The following ODAD2 variants were observed in gnomAD, a reference collection of about 807,000 sequenced individuals.
ODAD2 encodes outer dynein arm-docking complex subunit 2.
A neutral mutation model predicts 106.8 loss-of-function variants in ODAD2; 89 were observed. The ratio of observed to expected loss-of-function variants is 0.83; its 90% CI spans 0.70 to 0.99. ODAD2 has a LOEUF of 0.99. Ranked by LOEUF, ODAD2 falls within the 50% of genes least tolerant of loss-of-function variation. ODAD2 has a pLI of 0.00. For missense variants in ODAD2, 1,168 were observed against 1,238.5 expected, an observed-to-expected ratio of 0.94 and a Z score of 0.85; for synonymous variants, 404 against 436.2, an observed-to-expected ratio of 0.93 and a Z score of 0.92.
At chr10:27,861,621 G>A (rs1840048873) in intron 18 of ODAD2, among the ~76,000 whole-genome samples, 1 of 152,228 alleles carries the variant, frequency 6.6e-6, no homozygotes, top group Non-Finnish European at 1.5e-5. Flanking sequence ...GCTCCTGAGA[G>A]GGAGAAGAGA....
intron 17 of ODAD2, among the ~76,000 whole-genome samples, chr10:27,882,225 G>GAAAGAAAGAAAGAAATAAAT (rs1564461538): frequency 6.6e-6 from 1 of 150,724 alleles, no homozygotes; most frequent in African/African-American, 2.4e-5. Flanking sequence ...AAGAAAGAAA[G>GAAAGAAAGAAAGAAATAAAT]AAAGAAAGAA....
chr10:27,949,982 T>C (rs1281986901), intron 10 of ODAD2, among the ~76,000 whole-genome samples: 1 of 152,172 alleles, frequency 6.6e-6, no homozygotes, highest in Non-Finnish European at 1.5e-5. Flanking sequence ...GAGCCCCACA[T>C]GACCACAGTG....
intron 17 of ODAD2, among the ~76,000 whole-genome samples, chr10:27,896,535 CT>C (rs1842866275): frequency 6.6e-6 from 1 of 152,178 alleles, no homozygotes; most frequent in African/African-American, 2.4e-5. Flanking sequence ...GGAGGTGCCT[CT>C]TTCAGTATTC....
intron 10 of ODAD2, among the ~76,000 whole-genome samples, chr10:27,950,737 C>G (rs540151233): frequency 6.6e-6 from 1 of 152,190 alleles, no homozygotes; most frequent in Admixed American, 6.5e-5. Flanking sequence ...CAGGCATGCA[C>G]CACCATGCCT....
At position 27,812,243 on chromosome 10, in the gene ODAD2, C is replaced by T; in HGVS notation, c.*269G>A. ...CACTGAACTAAAAATACATCATATA[C>T]GTATATTCTCATATTCTTAGAAACT... On this transcript the variant is annotated 3_prime_UTR_variant, in exon 20 of 20. Coordinates refer to ENST00000305242, the MANE Select transcript of ODAD2 (RefSeq NM_018076.5). 3 of 420,234 alleles carry T rather than the reference C, an allele frequency of 7.1e-6. No homozygotes were observed. Among genetic ancestry groups the T allele is most frequent in the South Asian group, 3.0e-5 (1 of 33,562 alleles). The allele number at this position is 420,234 out of a possible 1,614,324, so 26.0% of individuals were successfully genotyped here.
Position 27,971,167 on chromosome 10 carries a change from A to T in ODAD2, c.1083T>A (p.Asn361Lys). The change falls in exon 8 of 20, where the codon AAT becomes AAA. Residue 361 changes from asparagine to lysine, a missense_variant. Coordinates refer to ENST00000305242, the MANE Select transcript of ODAD2 (RefSeq NM_018076.5). ...LEKNQINFWR[N>K]QMTKRWEPSL... ...TTGGTTCCCATCTCTTGGTCATTTG[A>T]TTCCTCCAAAAATTAATTTGGTTCT... is the stretch of plus-strand genomic sequence containing the variant. 6.2e-7 allele frequency: 1 copy of T among 1,613,902 alleles called. No homozygotes were observed. The highest frequency in any genetic ancestry group is 1.1e-5 in the South Asian group (1 of 91,072).
chr10:27,983,704 A>G (rs780978575), intron 6 of ODAD2, 139 bp downstream of exon 6: 27 of 819,060 alleles, frequency 3.3e-5, no homozygotes, highest in Non-Finnish European at 5.0e-5. Context: ...TTGCCCAGCA[A>G]GCATATATCA....
At chr10:27,830,046 G>A (rs1032443489) in intron 19 of ODAD2, among the ~76,000 whole-genome samples, 8 of 152,078 alleles carry the variant, frequency 5.3e-5, no homozygotes, top group Admixed American at 3.3e-4. Context: ...AAAATGGAAC[G>A]TCTGAACAGA....
intron 17 of ODAD2, among the ~76,000 whole-genome samples, chr10:27,904,680 A>T (rs904339027): frequency 6.6e-6 from 1 of 152,226 alleles, no homozygotes; most frequent in Non-Finnish European, 1.5e-5. Context: ...TTGTTTTAAT[A>T]GCCCATAGGG....
At chr10:27,984,399 G>A in intron 4 of ODAD2, 109 bp from the exon 5 acceptor site, 1 of 761,218 alleles carries the variant, frequency 1.3e-6, no homozygotes, top group Admixed American at 2.6e-5. Flanking sequence ...AATTAAAATT[G>A]CAGTTAATTT....
intron 2 of ODAD2, among the ~76,000 whole-genome samples, chr10:27,989,069 A>G (rs1850062422): frequency 6.6e-6 from 1 of 152,198 alleles, no homozygotes; most frequent in Non-Finnish European, 1.5e-5. Flanking sequence ...CTGGAAAAGC[A>G]AAGAATAAAT....
At chr10:27,874,093 A>C (rs532407788) in intron 17 of ODAD2, among the ~76,000 whole-genome samples, 18 of 152,088 alleles carry the variant, frequency 1.2e-4, no homozygotes, top group African/African-American at 2.2e-4. Flanking sequence ...TTGAATTGAT[A>C]CCTTTACCAT....
chr10:27,971,841 A>G (rs1753526761), intron 7 of ODAD2, among the ~76,000 whole-genome samples: 1 of 152,206 alleles, frequency 6.6e-6, no homozygotes, highest in Admixed American at 6.5e-5. Context: ...AAATCTTTCA[A>G]AAATGAAAGC....
chr10:27,880,245 G>C (rs1273659195), intron 17 of ODAD2, among the ~76,000 whole-genome samples: 2 of 152,192 alleles, frequency 1.3e-5, no homozygotes, highest in African/African-American at 2.4e-5. Context: ...TCCTACAAAA[G>C]AGAATCTTTT....
intron 12 of ODAD2, among the ~76,000 whole-genome samples, chr10:27,943,404 T>C (rs1224511095): frequency 6.6e-6 from 1 of 152,148 alleles, no homozygotes; most frequent in Admixed American, 6.5e-5. Flanking sequence ...AGGTACATCT[T>C]TAAAAACTGG....
chr10:27,932,522 T>C (rs955382978), intron 16 of ODAD2, among the ~76,000 whole-genome samples: 1 of 152,178 alleles, frequency 6.6e-6, no homozygotes, highest in African/African-American at 2.4e-5. Context: ...ACAAAAATAT[T>C]ATTACTAACA....
At chr10:27,925,070 A>G (rs1845163837) in intron 16 of ODAD2, among the ~76,000 whole-genome samples, 1 of 151,980 alleles carries the variant, frequency 6.6e-6, no homozygotes, top group South Asian at 2.1e-4. Flanking sequence ...CAGAAAAAGA[A>G]AACAGAAAAA....
chr10:27,925,920 T>A (rs187066998), intron 16 of ODAD2, among the ~76,000 whole-genome samples: 40 of 151,132 alleles, frequency 2.6e-4, no homozygotes, highest in African/African-American at 9.5e-4. Flanking sequence ...ACAGGAGAAT[T>A]GCTTGAGCCC....
intron 17 of ODAD2, among the ~76,000 whole-genome samples, chr10:27,863,385 G>A (rs925896233): frequency 6.6e-6 from 1 of 152,166 alleles, no homozygotes; most frequent in Non-Finnish European, 1.5e-5. Context: ...AATGAAACAA[G>A]AAGGCAGAGA....
Sources: gnomAD v4.1 joint callset for allele counts (sites outside exome capture counted in the v4.1 genomes callset) on GRCh38, gnomAD v4.1.1 for gene constraint, MANE v1.5 for transcripts, NCBI Gene and HGNC (gene_info 2026-07-23, HGNC 2026-07-21) for gene names.